Variants in BCO1 observed in about 807,000 individuals in gnomAD.
BCO1 encodes the protein beta-carotene oxygenase 1.
Under a neutral mutation model 56.3 loss-of-function variants are expected in BCO1, and 54 were observed. That is an observed-to-expected ratio of 0.96 (90% CI 0.77 to 1.20). The LOEUF (loss-of-function observed/expected upper bound fraction) is 1.20. Ranked by LOEUF, BCO1 falls within the 50% of genes most tolerant of loss-of-function variation. The pLI is 0.00. For missense variants in BCO1, 801 were observed against 690.9 expected (o/e 1.16, Z -1.79); for synonymous variants, 318 against 266.1 (o/e 1.20, Z -1.90).
At position 81,290,578 on chromosome 16, in the gene BCO1, T is replaced by G. The variant is rs1307818430; in HGVS notation, c.*1T>G. On this transcript the variant is annotated 3_prime_UTR_variant, in exon 11 of 11. Transcript: ENST00000258168. ...CTGCCACGGGGCTCCTCTGACCTGA[T>G]GGTGTTGGGGTTTGGGTAGGGGAGG... is the stretch of plus-strand genomic sequence containing the variant. 6.2e-7 allele frequency: 1 copy of G among 1,611,798 alleles called. No individual in the cohort carries two copies. Among genetic ancestry groups the G allele is most frequent in the Admixed American group, 1.7e-5 (1 of 60,012 alleles).
intron 5 of BCO1, among the ~76,000 whole-genome samples, chr16:81,267,026 C>A (rs56401738): frequency 1.3e-5 from 2 of 152,024 alleles, no homozygotes; most frequent in Admixed American, 1.3e-4. Context: ...TTTTGACCAG[C>A]GAGTGACTCA....
At position 81,262,184 on chromosome 16, in the gene BCO1, C is replaced by T; in HGVS notation, c.372C>T (p.Cys124=). 3 of 1,613,944 alleles carry T rather than the reference C, an allele frequency of 1.9e-6. No individual in the cohort carries two copies. Among genetic ancestry groups the T allele is most frequent in the Admixed American group, 1.7e-5 (1 of 60,012 alleles). The change falls in exon 4 of 11, where the codon TGC becomes TGT. Residue 124 remains cysteine, a synonymous_variant. Coordinates refer to ENST00000258168, the MANE Select transcript of BCO1 (RefSeq NM_017429.3). The part of the protein sequence containing the change: ...SHTIPDFTDN[C]LINIMKCGED... ...CCATCCCCGATTTCACCGACAACTG[C>T]CTGATCAACATCATGAAGTGCGGAG...
In BCO1 at chr16:81,290,587, G is replaced by A. The variant is rs1253687944; in HGVS notation, c.*10G>A. On this transcript the variant is annotated 3_prime_UTR_variant, in exon 11 of 11. Transcript: ENST00000258168. ...GGCTCCTCTGACCTGATGGTGTTGG[G>A]GTTTGGGTAGGGGAGGGGAGCTCGG... is the stretch of plus-strand genomic sequence containing the variant. 2 of 1,607,240 alleles carry A rather than the reference G, an allele frequency of 1.2e-6. No individual in the cohort carries two copies. The highest frequency in any genetic ancestry group is 2.2e-5 in the South Asian group (2 of 90,992).
chr16:81,284,171 C>T (rs532030114), intron 8 of BCO1, among the ~76,000 whole-genome samples: 7 of 151,014 alleles, frequency 4.6e-5, no homozygotes, highest in East Asian at 3.9e-4. Context: ...CCAGCCCAGG[C>T]GACAGAGCTA....
At chr16:81,280,221 C>G (rs1354701471) in intron 7 of BCO1, among the ~76,000 whole-genome samples, 1 of 128,628 alleles carries the variant, frequency 7.8e-6, no homozygotes, top group Admixed American at 9.6e-5. Context: ...CAAGATCACA[C>G]CACTGCACTC....
At chr16:81,268,298 G>C (rs1342045676) in intron 6 of BCO1, among the ~76,000 whole-genome samples, 167 bp downstream of exon 6, 1 of 152,150 alleles carries the variant, frequency 6.6e-6, no homozygotes, top group African/African-American at 2.4e-5. Flanking sequence ...TGGTCCTTCA[G>C]AATGGCCCCC....
At chr16:81,260,900 C>T (rs1346548063) in intron 3 of BCO1, among the ~76,000 whole-genome samples, 4 of 152,188 alleles carry the variant, frequency 2.6e-5, no homozygotes, top group African/African-American at 4.8e-5. Flanking sequence ...TCAGGCCTGC[C>T]ATCAGTATCT....
intron 7 of BCO1, among the ~76,000 whole-genome samples, chr16:81,272,072 A>T (rs1907255429): frequency 6.9e-6 from 1 of 145,822 alleles, no homozygotes; most frequent in Non-Finnish European, 1.5e-5. Context: ...TTTATGGATT[A>T]ATAGGTACAT....
In BCO1 at chr16:81,258,782, G is replaced by C. The variant is rs80347626; in HGVS notation, c.194-894G>C. Among the ~76,000 whole-genome samples, 104 of 152,306 alleles carry C rather than the reference G, an allele frequency of 6.8e-4. 1 individual carries two copies. Among genetic ancestry groups the C allele is most frequent in the African/African-American group, 2.4e-3 (99 of 41,562 alleles). On this transcript the variant is annotated intron_variant, in intron 2 of 10. Transcript: ENST00000258168. The stretch of plus-strand genomic sequence containing the variant: ...TTGCTATAAAGGAATACCCAAGACC[G>C]GGTAATTTATAAAGAAAAGAGGTTT...
chr16:81,275,950 G>A (rs544470924), intron 7 of BCO1, among the ~76,000 whole-genome samples: 87 of 152,276 alleles, frequency 5.7e-4, no homozygotes, highest in African/African-American at 1.9e-3. Context: ...GCAGGGGTGG[G>A]TCATCTGGAC....
chr16:81,265,401 T>C (rs1223326515), intron 5 of BCO1, among the ~76,000 whole-genome samples: 1 of 135,314 alleles, frequency 7.4e-6, no homozygotes. Flanking sequence ...CATCTACCCA[T>C]TCTCCCATCC....
In BCO1 at chr16:81,243,998, C is replaced by T. The variant is rs557609926; in HGVS notation, c.65-1477C>T. 2.4e-4 allele frequency among the ~76,000 whole-genome samples: 36 copies of T among 152,354 alleles called. 1 individual carries two copies. The South Asian group carries it at 3.5e-3, about 15-fold the overall frequency. On this transcript the variant is annotated intron_variant, in intron 1 of 10. Transcript: ENST00000258168. The stretch of plus-strand genomic sequence containing the variant: ...GTGATCCCAACTGAGGGCAAGGCAA[C>T]GGCGGGATTTGTCCCCCAATTCTGC...
chr16:81,262,297 T>C lies in BCO1; in HGVS notation c.471+14T>C, dbSNP rs7500996. 0.2 allele frequency: 320,648 copies of C among 1,608,542 alleles called. 33,692 individuals are homozygous for C. The highest frequency in any genetic ancestry group is 0.29 in the African/African-American group (21,755 of 74,646). On this transcript the variant is annotated intron_variant, in intron 4 of 10. Coordinates refer to ENST00000258168, the MANE Select transcript of BCO1 (RefSeq NM_017429.3). Reference sequence around the variant, plus strand: ...ACCCTGGAGAAGGTATCAACACATATGTAACCAGCATCACTTCCTGACTCA... The same window carrying C: ...ACCCTGGAGAAGGTATCAACACATACGTAACCAGCATCACTTCCTGACTCA...
Position 81,261,991 on chromosome 16 carries a change from C to T in BCO1, c.324-145C>T, listed in dbSNP as rs1906513993. 12 of 931,446 alleles carry T rather than the reference C, an allele frequency of 1.3e-5. 1 individual carries two copies. The highest frequency in any genetic ancestry group is 9.3e-5 in the South Asian group (7 of 75,280). 57.7% of individuals were successfully genotyped at this position (931,446 alleles called of 1,614,324 possible). A position where few individuals can be genotyped will look rare whatever the true frequency, so the allele number is the denominator to read the frequency against. On this transcript the variant is annotated intron_variant, in intron 3 of 10. Transcript: ENST00000258168. ...TCTCCTGACCTCGTGATCCACCTGC[C>T]TCGGCCTCCCACAGTGCTGGGATTA...
At chr16:81,268,722 C>A (rs1020871702) in intron 6 of BCO1, among the ~76,000 whole-genome samples, 1 of 152,062 alleles carries the variant, frequency 6.6e-6, no homozygotes, top group Non-Finnish European at 1.5e-5. Context: ...AATACATGTA[C>A]GTGTGCATGG....
rs1203037065 is a variant in BCO1 at position 81,262,143 on chromosome 16, TC to T, written c.333del (p.Tyr112ThrfsTer14). ...ATTTGCTTTTCTCCCCAGAGCTTTC[TC>T]CTACTTGTCTCACACCATCCCCGAT... ...PCKNIFSKAF[S>X]YLSHTIPDFT... On this transcript the variant is annotated frameshift_variant, in exon 4 of 11. Transcript: ENST00000258168. LOFTEE classifies it high-confidence loss of function. The T allele has an allele frequency of 6.2e-7, 1 of 1,613,882 alleles. No homozygotes were observed. Among genetic ancestry groups the T allele is most frequent in the Admixed American group, 1.7e-5 (1 of 60,018 alleles).
rs201192971 is a variant in BCO1 at position 81,285,525 on chromosome 16, C to T, written c.1208-15C>T. ...CAATGATAGGGGCTTCATCCACCTC[C>T]TCATTTCCTTGTAGGCTTAGAGCTT... On this transcript the variant is annotated splice_polypyrimidine_tract_variant and intron_variant, in intron 8 of 10. Transcript: ENST00000258168. 6 of 1,590,478 alleles carry T rather than the reference C, an allele frequency of 3.8e-6. No homozygotes were observed. The highest frequency in any genetic ancestry group is 1.7e-4 in the Middle Eastern group (1 of 6,026).
At chr16:81,264,304 T>G (rs1447538093) in intron 4 of BCO1, among the ~76,000 whole-genome samples, 1 of 152,166 alleles carries the variant, frequency 6.6e-6, no homozygotes, top group East Asian at 1.9e-4. Flanking sequence ...GTTTCCATGT[T>G]GAGGATTCCA....
In BCO1 at chr16:81,262,479, T is replaced by C. The variant is rs1259782934; in HGVS notation, c.471+196T>C. ...ACTGTGTTGTTTTTATCTTCGTGTC[T>C]GTATCAGTTTCCTGGGGCTGATGTA... On this transcript the variant is annotated intron_variant, in intron 4 of 10. Transcript: ENST00000258168. The C allele has an allele frequency of 2.1e-5, 13 of 628,440 alleles. No individual in the cohort carries two copies. The Admixed American group carries it at 2.8e-4, about 14-fold the overall frequency. 38.9% of individuals were successfully genotyped at this position (628,440 alleles called of 1,614,324 possible).
Sources: gnomAD v4.1 joint callset for allele counts (sites outside exome capture counted in the v4.1 genomes callset) on GRCh38, gnomAD v4.1.1 for gene constraint, MANE v1.5 for transcripts, NCBI Gene and HGNC (gene_info 2026-07-23, HGNC 2026-07-21) for gene names.